The following VWA5B1 variants were observed in gnomAD, a reference collection of about 807,000 sequenced individuals.
VWA5B1 encodes von Willebrand factor A domain containing 5B1.
Under a neutral mutation model 118.2 loss-of-function variants are expected in VWA5B1, and 115 were observed. The observed-to-expected ratio is 0.97, with a 90% confidence interval of 0.84 to 1.14. VWA5B1 has a LOEUF of 1.14. VWA5B1 is among the 50% of genes most tolerant of loss of function. VWA5B1 has a pLI of 0.00. For missense variants in VWA5B1, 1,596 were observed against 1,603.8 expected, an observed-to-expected ratio of 1.00 and a Z score of 0.08; for synonymous variants, 682 against 658.4, an observed-to-expected ratio of 1.04 and a Z score of -0.55.
At chr1:20,292,749 A>G (rs1398111601) in intron 1 of VWA5B1, among the ~76,000 whole-genome samples, 1 of 152,178 alleles carries the variant, frequency 6.6e-6, no homozygotes, top group Non-Finnish European at 1.5e-5. Context: ...TGGGGCCCTC[A>G]TCACCCAGCC....
At chr1:20,324,212 T>C (rs1205802075) in intron 8 of VWA5B1, among the ~76,000 whole-genome samples, 1 of 152,224 alleles carries the variant, frequency 6.6e-6, no homozygotes, top group East Asian at 1.9e-4. Context: ...ACACATTTGC[T>C]GTCCTCAAGG....
In VWA5B1 at chr1:20,343,275, G is replaced by C; in HGVS notation, c.2508G>C (p.Pro836=). ...EVSFELGTPG[P]ERGGAQDADL... is the part of the protein sequence containing the mutation. ...GCTTCGAGCTGGGGACCCCTGGACCGGAGCGGGGCGGCGCGCAGGATGCCG... is the reference window on the plus strand; with the variant it reads ...GCTTCGAGCTGGGGACCCCTGGACCCGAGCGGGGCGGCGCGCAGGATGCCG... Residue 836 remains proline, a synonymous_variant, in exon 16 of 22, where the codon CCG becomes CCC. Coordinates refer to ENST00000289815, the MANE Select transcript of VWA5B1 (RefSeq NM_001039500.3). 6.5e-7 allele frequency: 1 copy of C among 1,548,142 alleles called. No individual in the cohort carries two copies. The highest frequency in any genetic ancestry group is 1.4e-5 in the African/African-American group (1 of 73,142).
At chr1:20,321,309 G>A (rs571530334) in intron 7 of VWA5B1, among the ~76,000 whole-genome samples, 2 of 152,236 alleles carry the variant, frequency 1.3e-5, no homozygotes, top group African/African-American at 4.8e-5. Flanking sequence ...AAATCAGGCC[G>A]GGCGCGGTGG....
intron 7 of VWA5B1, 83 bp downstream of exon 7, chr1:20,319,589 G>A: frequency 6.6e-7 from 1 of 1,522,578 alleles, no homozygotes; most frequent in Non-Finnish European, 8.8e-7. Flanking sequence ...AAGTGAGGTG[G>A]GGAGGTAACC....
chr1:20,293,528 C>A (rs773836602), intron 1 of VWA5B1, among the ~76,000 whole-genome samples: 2 of 152,224 alleles, frequency 1.3e-5, no homozygotes, highest in Non-Finnish European at 2.9e-5. Flanking sequence ...TACAACACAA[C>A]CTCCAGTGAC....
Position 20,343,180 on chromosome 1 carries a change from C to G in VWA5B1, c.2413C>G (p.Pro805Ala), listed in dbSNP as rs927539737. Residue 805 changes from proline to alanine, a missense_variant, in exon 16 of 22, where the codon CCG becomes GCG. Transcript: ENST00000289815. ...ERASPSRPAT[P>A]APVLGKALVK... ...AGCCAGTCCCAGCAGGCCCGCCACC[C>G]CGGCCCCGGTGCTGGGCAAGGCCCT... The G allele has an allele frequency of 2.6e-5, 40 of 1,549,608 alleles. No individual in the cohort carries two copies. Among genetic ancestry groups the G allele is most frequent in the Non-Finnish European group, 3.3e-5 (38 of 1,146,616 alleles).
At chr1:20,309,434 G>A (rs1056918532) in intron 1 of VWA5B1, among the ~76,000 whole-genome samples, 2 of 152,214 alleles carry the variant, frequency 1.3e-5, no homozygotes, top group African/African-American at 4.8e-5. Flanking sequence ...ATGAGTAGGG[G>A]GTTACTGGTT....
rs1428482671 is a variant in VWA5B1, at chr1:20,358,624, C to A, written c.*4361C>A. On this transcript the variant is annotated 3_prime_UTR_variant, in exon 22 of 22. Coordinates refer to ENST00000289815, the MANE Select transcript of VWA5B1 (RefSeq NM_001039500.3). ...GCCCATTATAACATCTCTAAGTGGT[C>A]TCTAGAATCAAATGCACTCCATACT... 1.3e-5 allele frequency among the ~76,000 whole-genome samples: 2 copies of A among 152,156 alleles called. No individual in the cohort carries two copies. The highest frequency in any genetic ancestry group is 4.8e-5 in the African/African-American group (2 of 41,436).
At chr1:20,348,465 C>T (rs948101955) in intron 18 of VWA5B1, 107 bp downstream of exon 18, 1 of 1,200,710 alleles carries the variant, frequency 8.3e-7, no homozygotes, top group South Asian at 1.3e-5. Flanking sequence ...CTCTCTGAGT[C>T]TGCACTGTGG....
Position 20,314,374 on chromosome 1 carries a change from A to G in VWA5B1, c.345A>G (p.Gly115=), listed in dbSNP as rs2088938254. Residue 115 remains glycine (G), a synonymous_variant, in exon 4 of 22, where the codon GGA becomes GGG. Transcript: ENST00000289815. ...TAGCCCCTCATTCCTGCACACCGGGAAAGGTGACCTTGGACGAGGATTTGG... is the reference window on the plus strand; with the variant it reads ...TAGCCCCTCATTCCTGCACACCGGGGAAGGTGACCTTGGACGAGGATTTGG... ...VSIAPHSCTP[G]KVTLDEDLER... 6.4e-7 allele frequency: 1 copy of G among 1,551,996 alleles called. No individual in the cohort carries two copies. The highest frequency in any genetic ancestry group is 8.7e-7 in the Non-Finnish European group (1 of 1,147,040).
chr1:20,316,933 G>A (rs753565077), intron 4 of VWA5B1, among the ~76,000 whole-genome samples: 4 of 151,944 alleles, frequency 2.6e-5, no homozygotes, highest in Non-Finnish European at 4.4e-5. Flanking sequence ...CGAGACGGGC[G>A]GATCACGAGG....
At chr1:20,342,191 T>C (rs1460780494) in intron 14 of VWA5B1, among the ~76,000 whole-genome samples, 2 of 150,498 alleles carry the variant, frequency 1.3e-5, no homozygotes, top group Non-Finnish European at 2.9e-5. Context: ...TGGCTTTCCA[T>C]GGTTTGGGAT....
At chr1:20,294,424 T>C (rs1396182446) in intron 1 of VWA5B1, 1 of 152,202 alleles carries the variant, frequency 6.6e-6, no homozygotes, top group Non-Finnish European at 1.5e-5. Flanking sequence ...CTAGTTTCTT[T>C]CTTACCTGTG....
At chr1:20,352,243 C>CT in intron 21 of VWA5B1, 71 bp downstream of exon 21, 1 of 1,126,858 alleles carries the variant, frequency 8.9e-7, no homozygotes. Flanking sequence ...TGTGATCCCC[C>CT]TGCCCACCTC....
In VWA5B1 at chr1:20,336,432, C is replaced by T; in HGVS notation, c.1888C>T (p.Leu630=). The T allele has an allele frequency of 6.6e-7, 1 of 1,506,154 alleles. No homozygotes were observed. Among genetic ancestry groups the T allele is most frequent in the Non-Finnish European group, 8.9e-7 (1 of 1,122,610 alleles). 93.3% of individuals were successfully genotyped at this position (1,506,154 alleles called of 1,614,324 possible). A position where few individuals can be genotyped will look rare whatever the true frequency, so the allele number is the denominator to read the frequency against. ...CAAGAACTCGGGGGCACCCTTCATCCTAGGGCAGGCCAAAAATGCCCGGCT... is the reference window on the plus strand; with the variant it reads ...CAAGAACTCGGGGGCACCCTTCATCTTAGGGCAGGCCAAAAATGCCCGGCT... ...CAKNSGAPFI[L]GQAKNARLAS... Residue 630 remains leucine, a synonymous_variant, in exon 13 of 22, where the codon CTA becomes TTA. Transcript: ENST00000289815.
At chr1:20,328,647 C>T (rs537955188) in intron 9 of VWA5B1, among the ~76,000 whole-genome samples, 1 of 152,288 alleles carries the variant, frequency 6.6e-6, no homozygotes, top group African/African-American at 2.4e-5. Flanking sequence ...GTTGCATGCG[C>T]TTGTAATCTC....
At chr1:20,334,864 T>TAGGA (rs1258806241) in intron 12 of VWA5B1, among the ~76,000 whole-genome samples, 1 of 152,156 alleles carries the variant, frequency 6.6e-6, no homozygotes, top group Admixed American at 6.5e-5. Context: ...ATCCTACTCC[T>TAGGA]AGGAGTCTAG....
At chr1:20,310,003 C>T (rs72647040) in intron 1 of VWA5B1, among the ~76,000 whole-genome samples, 28,437 of 147,956 alleles carry the variant, frequency 0.19, 3,740 homozygotes, top group East Asian at 0.39. Context: ...GCAGGAATGA[C>T]TCCCAGGTTT....
In VWA5B1 at chr1:20,332,801, C is replaced by T; in HGVS notation, c.1608C>T (p.Val536=). 6.4e-7 allele frequency: 1 copy of T among 1,551,792 alleles called. No individual in the cohort carries two copies. The highest frequency in any genetic ancestry group is 8.7e-7 in the Non-Finnish European group (1 of 1,147,020). ...VKSLKKAMAP[V]LSDVTVEWIF... ...CCTTGAAGAAGGCCATGGCCCCAGT[C>T]CTGAGCGATGTGACTGTGGAGTGGA... Residue 536 remains valine, a synonymous_variant, in exon 12 of 22, where the codon GTC becomes GTT. Coordinates refer to ENST00000289815, the MANE Select transcript of VWA5B1 (RefSeq NM_001039500.3).
Sources: gnomAD v4.1 joint callset for allele counts (sites outside exome capture counted in the v4.1 genomes callset) on GRCh38, gnomAD v4.1.1 for gene constraint, MANE v1.5 for transcripts, NCBI Gene and HGNC (gene_info 2026-07-23, HGNC 2026-07-21) for gene names.